GON4L: variants seen among roughly 807,000 people sequenced by gnomAD.
The protein encoded by GON4L is gon-4 like.
A neutral mutation model predicts 211.8 loss-of-function variants in GON4L; 87 were observed. The ratio of observed to expected loss-of-function variants is 0.41; its 90% CI spans 0.35 to 0.49. The LOEUF is 0.49. GON4L is among the 20% of genes least tolerant of loss of function. The pLI, the probability that GON4L is intolerant of heterozygous loss-of-function variation, is 0.15. For synonymous variants in GON4L, 875 were observed against 962.6 expected (o/e 0.91, Z 1.68); for missense variants, 2,155 against 2,659.5 (o/e 0.81, Z 4.17).
chr1:155,829,781 A>G (rs1442136903), intron 2 of GON4L, among the ~76,000 whole-genome samples: 5 of 152,080 alleles, frequency 3.3e-5, no homozygotes, highest in Admixed American at 6.6e-5. Context: ...AGCATCCAGC[A>G]TATCTATAAA....
chr1:155,772,080 G>A (rs917968761), intron 18 of GON4L, among the ~76,000 whole-genome samples: 10 of 151,858 alleles, frequency 6.6e-5, no homozygotes, highest in African/African-American at 2.4e-4. Flanking sequence ...CTTGAAACCG[G>A]GGGCGAAGGT....
chr1:155,768,628 T>A (rs1365042705), intron 19 of GON4L, among the ~76,000 whole-genome samples: 3 of 150,034 alleles, frequency 2.0e-5, no homozygotes, highest in Non-Finnish European at 4.4e-5. Context: ...AAAAAAAAAA[T>A]TGAGACAGGT....
intron 11 of GON4L, among the ~76,000 whole-genome samples, chr1:155,803,150 A>G (rs1217692373): frequency 4.6e-5 from 7 of 152,222 alleles, no homozygotes; most frequent in African/African-American, 7.2e-5. Flanking sequence ...ATAGTATCAT[A>G]AGGTACATTC....
At chr1:155,773,289 C>T in intron 17 of GON4L, 79 bp from the exon 18 acceptor site, 2 of 1,545,142 alleles carry the variant, frequency 1.3e-6, no homozygotes. Context: ...TGCATTTTTG[C>T]ATTTAGGTAG....
chr1:155,842,079 G>A (rs1443609046), intron 2 of GON4L, among the ~76,000 whole-genome samples: 2 of 151,798 alleles, frequency 1.3e-5, no homozygotes, highest in Non-Finnish European at 2.9e-5. Flanking sequence ...AAGAAACAAG[G>A]GGTTGGACAA....
At chr1:155,851,286 A>G (rs822487) in intron 2 of GON4L, among the ~76,000 whole-genome samples, 141,726 of 151,548 alleles carry the variant, frequency 0.94, 67,047 homozygotes, top group East Asian at 1. Flanking sequence ...CCCAGGAGGC[A>G]GAGCTTGCAG....
intron 2 of GON4L, among the ~76,000 whole-genome samples, 188 bp downstream of exon 2, chr1:155,853,088 G>C (rs963943459): frequency 2.6e-5 from 4 of 152,026 alleles, no homozygotes; most frequent in African/African-American, 9.7e-5. Context: ...CTCTAGTCTG[G>C]TGACATGGCA....
At chr1:155,778,625 T>C (rs1202536295) in intron 14 of GON4L, among the ~76,000 whole-genome samples, 2 of 152,146 alleles carry the variant, frequency 1.3e-5, no homozygotes, top group African/African-American at 2.4e-5. Flanking sequence ...AACGTGCACC[T>C]TGGTGGTTTG....
intron 16 of GON4L, among the ~76,000 whole-genome samples, chr1:155,775,572 T>A (rs1209511531): frequency 6.6e-6 from 1 of 151,754 alleles, no homozygotes; most frequent in African/African-American, 2.4e-5. Flanking sequence ...CTTCTCCATC[T>A]ACCTCCCGAG....
intron 2 of GON4L, among the ~76,000 whole-genome samples, chr1:155,833,474 A>C (rs1351791641): frequency 6.6e-6 from 1 of 151,342 alleles, no homozygotes; most frequent in African/African-American, 2.4e-5. Context: ...GGGAAACCCC[A>C]TCTCTACTAA....
chr1:155,826,933 G>T lies in GON4L; in HGVS notation c.601C>A (p.Pro201Thr), dbSNP rs569896518. ...PVSQPRKSTQ[P>T]DVCASPQEKP... Reference sequence around the variant, plus strand: ...TCTTGAGGAGAGGCACAAACATCTGGCTGGGTTGATTTCCTGGGCTGGCTT... The same window carrying T: ...TCTTGAGGAGAGGCACAAACATCTGTCTGGGTTGATTTCCTGGGCTGGCTT... The change falls in exon 3 of 32, where the codon CCA becomes ACA. Residue 201 changes from proline to threonine, a missense_variant. Physicochemically the swap from Pro to Thr is conservative, Grantham distance 38 (BLOSUM62 -1). Transcript: ENST00000368331. 4.3e-6 allele frequency: 7 copies of T among 1,613,564 alleles called. No homozygotes were observed. Among genetic ancestry groups the T allele is most frequent in the Non-Finnish European group, 5.9e-6 (7 of 1,179,596 alleles).
chr1:155,847,909 T>TAA (rs1229988855), intron 2 of GON4L, among the ~76,000 whole-genome samples: 2 of 151,878 alleles, frequency 1.3e-5, no homozygotes, highest in Non-Finnish European at 2.9e-5. Context: ...TATACATACA[T>TAA]ACATACAAAG....
intron 14 of GON4L, among the ~76,000 whole-genome samples, chr1:155,778,701 TC>T (rs1333582118): frequency 6.6e-6 from 1 of 152,122 alleles, no homozygotes; most frequent in Non-Finnish European, 1.5e-5. Context: ...CCTGATCCTC[TC>T]CCTTCCCCCG....
chr1:155,854,896 G>A (rs566137503), intron 1 of GON4L, among the ~76,000 whole-genome samples: 6 of 152,168 alleles, frequency 3.9e-5, no homozygotes, highest in East Asian at 1.9e-4. Flanking sequence ...TTAGCCGGGC[G>A]TGGTGGCACA....
At chr1:155,844,441 A>G (rs1049994384) in intron 2 of GON4L, among the ~76,000 whole-genome samples, 16 of 152,094 alleles carry the variant, frequency 1.1e-4, no homozygotes, top group Admixed American at 6.6e-4. Context: ...ACTGACCCCA[A>G]CTATATCTGG....
At chr1:155,807,823 CTG>C (rs984907920) in intron 10 of GON4L, among the ~76,000 whole-genome samples, 1 of 149,974 alleles carries the variant, frequency 6.7e-6, no homozygotes, top group African/African-American at 2.4e-5. Context: ...TAGGATTAGA[CTG>C]TTAATTTCCA....
At chr1:155,855,686 A>AT (rs1478610511) in intron 1 of GON4L, among the ~76,000 whole-genome samples, 1 of 152,218 alleles carries the variant, frequency 6.6e-6, no homozygotes, top group Non-Finnish European at 1.5e-5. Context: ...TAAGCATTAT[A>AT]TAAAAACTGA....
In GON4L at chr1:155,766,328, A is replaced by G; in HGVS notation, c.3145T>C (p.Leu1049=). ...GGAGGGACACCTGGAACTGTCTGTA[A>G]AACAGTGGCTGGCTGTATTGGGTGA... The part of the protein sequence containing the change: ...IPHPIQPATV[L]QTVPGVPPLG... Residue 1049 remains leucine (L), a synonymous_variant, in exon 21 of 32, where the codon TTA becomes CTA. Coordinates refer to ENST00000368331, the MANE Select transcript of GON4L (RefSeq NM_001282860.2). The G allele has an allele frequency of 6.2e-7, 1 of 1,614,114 alleles. No homozygotes were observed. Among genetic ancestry groups the G allele is most frequent in the Non-Finnish European group, 8.5e-7 (1 of 1,180,010 alleles).
At chr1:155,808,204 T>C (rs1168141641) in intron 10 of GON4L, among the ~76,000 whole-genome samples, 5 of 151,960 alleles carry the variant, frequency 3.3e-5, no homozygotes, top group Admixed American at 6.6e-5. Context: ...ACCCAGGACA[T>C]TTTTTGTATT....
Sources: gnomAD v4.1 joint callset for allele counts (sites outside exome capture counted in the v4.1 genomes callset) on GRCh38, gnomAD v4.1.1 for gene constraint, MANE v1.5 for transcripts, NCBI Gene and HGNC (gene_info 2026-07-23, HGNC 2026-07-21) for gene names.